ALOX12B: variants seen among roughly 807,000 people sequenced by gnomAD.
ALOX12B encodes the protein arachidonate 12-lipoxygenase, 12R type.
A neutral mutation model predicts 78.9 loss-of-function variants in ALOX12B; 47 were observed. That is an observed-to-expected ratio of 0.60 (90% confidence interval 0.47 to 0.76). The LOEUF (loss-of-function observed/expected upper bound fraction) is 0.76, where lower values mean the gene tolerates loss of function less well. Among genes scored for constraint, ALOX12B ranks in the 30% least tolerant of loss-of-function variants. The pLI is 0.00. For synonymous variants in ALOX12B, 370 were observed against 374.5 expected (o/e 0.99, Z 0.14); for missense variants, 805 against 922.6 (o/e 0.87, Z 1.65).
At chr17:8,073,578 G>T in intron 13 of ALOX12B, 79 bp downstream of exon 13, 1 of 1,325,192 alleles carries the variant, frequency 7.5e-7, no homozygotes, top group Non-Finnish European at 1.1e-6. Flanking sequence ...GGCTGAGGCT[G>T]GGTTTGAGGT....
At position 8,079,843 on chromosome 17, in the gene ALOX12B, C is replaced by T. The variant is rs1211661462; in HGVS notation, c.853G>A (p.Asp285Asn). ...GLIRRCTRIPDKFPVTDDMVA... is the reference protein window; with the variant it reads ...GLIRRCTRIPNKFPVTDDMVA... Reference sequence around the variant, plus strand: ...ATGTCGTCTGTGACGGGGAACTTGTCTGGGATCCGCGTGCAGCGGCGGATC... The same window carrying T: ...ATGTCGTCTGTGACGGGGAACTTGTTTGGGATCCGCGTGCAGCGGCGGATC... The change falls in exon 7 of 15, where the codon GAC becomes AAC. Residue 285 changes from aspartate to asparagine, a missense_variant. Asp to Asn is a conservative substitution (Grantham distance 23). Transcript: ENST00000647874. This position sits in a 1 kb window ranked among gnomAD's most constrained non-coding sequence, Gnocchi z 6.4. 1 of 1,613,522 alleles carries T rather than the reference C, an allele frequency of 6.2e-7. No homozygotes were observed. The highest frequency in any genetic ancestry group is 8.5e-7 in the Non-Finnish European group (1 of 1,179,976).
At chr17:8,075,791 C>A in intron 11 of ALOX12B, 75 bp from the exon 12 acceptor site, 4 of 1,613,122 alleles carry the variant, frequency 2.5e-6, no homozygotes, top group Non-Finnish European at 3.4e-6. Context: ...CCACCTCCCC[C>A]AGGGTGCCCT....
intron 10 of ALOX12B, 69 bp downstream of exon 10, chr17:8,076,588 C>T: frequency 6.7e-7 from 1 of 1,495,444 alleles, no homozygotes; most frequent in Non-Finnish European, 9.1e-7. Context: ...GGGAAGTCCT[C>T]CTCTTCATCT....
At chr17:8,074,848 AC>A (rs1977048760) in intron 12 of ALOX12B, among the ~76,000 whole-genome samples, 1 of 152,112 alleles carries the variant, frequency 6.6e-6, no homozygotes, top group Admixed American at 6.5e-5. Context: ...TCGACTTTCC[AC>A]ATACTGCTCC....
intron 10 of ALOX12B, 152 bp downstream of exon 10, chr17:8,076,505 C>T (rs528684772): frequency 3.1e-6 from 4 of 1,285,260 alleles, no homozygotes; most frequent in Admixed American, 4.0e-5. Context: ...GCCTCTGCTC[C>T]TTTCTAGACA....
At chr17:8,076,960 T>G (rs769199659) in intron 9 of ALOX12B, 30 bp downstream of exon 9, 49 of 1,604,772 alleles carry the variant, frequency 3.1e-5, no homozygotes, top group Non-Finnish European at 4.0e-5. Flanking sequence ...CCATGATGCC[T>G]GGGGGAGGCC....
At position 8,080,925 on chromosome 17, in the gene ALOX12B, G is replaced by A. The variant is rs1977203555; in HGVS notation, c.486C>T (p.Tyr162=). The change falls in exon 4 of 15, where the codon TAC becomes TAT. Residue 162 remains tyrosine (Y), a synonymous_variant. Transcript: ENST00000647874. This position sits in a 1 kb window ranked among gnomAD's most constrained non-coding sequence, Gnocchi z 4.8. ...GLPSYVHIPS[Y]RPPVRRHRNP... is the part of the protein sequence containing the mutation. Reference sequence around the variant, plus strand: ...TGCGATGCCTCCGCACCGGAGGGCGGTAACTGGGAATGTGCACATAGCTGG... The same window carrying A: ...TGCGATGCCTCCGCACCGGAGGGCGATAACTGGGAATGTGCACATAGCTGG... The A allele has an allele frequency of 6.2e-7, 1 of 1,613,838 alleles. No individual in the cohort carries two copies. The highest frequency in any genetic ancestry group is 1.7e-5 in the Admixed American group (1 of 60,006).
rs768375728 is a variant in ALOX12B, at chr17:8,073,735, G to C, written c.1677C>G (p.Thr559=). Residue 559 remains threonine, a synonymous_variant, in exon 13 of 15, where the codon ACC becomes ACG. Transcript: ENST00000647874. ...TGACATATCGGATCAGCTCAGGCAC[G>C]GTTCGCAAGCACCTAGGGAAGCCTG... ...ESSGFPRCLR[T]VPELIRYVTI... 6.2e-7 allele frequency: 1 copy of C among 1,614,088 alleles called. No homozygotes were observed. The highest frequency in any genetic ancestry group is 8.5e-7 in the Non-Finnish European group (1 of 1,179,990).
intron 2 of ALOX12B, among the ~76,000 whole-genome samples, chr17:8,084,405 C>G (rs1326287264): frequency 6.6e-6 from 1 of 152,180 alleles, no homozygotes. Context: ...AGACCTAGCT[C>G]GTTTTCATCC....
In ALOX12B at chr17:8,080,412, C is replaced by T. The variant is rs946781923; in HGVS notation, c.651-74G>A. The T allele has an allele frequency of 1.0e-5, 16 of 1,533,650 alleles. No homozygotes were observed. The African/African-American group carries it at 1.1e-4, about 10-fold the overall frequency. On this transcript the variant is annotated intron_variant, in intron 5 of 14. Transcript: ENST00000647874. This position sits in a 1 kb window ranked among gnomAD's most constrained non-coding sequence, Gnocchi z 4.8. ...CCGGCTGGGGCAGGTGGCGGGGCCGCCCCATCCACTTAGGTCTCTGGGTCT... is the reference window on the plus strand; with the variant it reads ...CCGGCTGGGGCAGGTGGCGGGGCCGTCCCATCCACTTAGGTCTCTGGGTCT...
intron 12 of ALOX12B, 63 bp from the exon 13 acceptor site, chr17:8,073,820 A>G: frequency 7.5e-7 from 1 of 1,339,826 alleles, no homozygotes; most frequent in South Asian, 1.2e-5. Context: ...TGCCCGGCAG[A>G]GGGCGCCACC....
In ALOX12B at chr17:8,073,365, G is replaced by A. The variant is rs370096167; in HGVS notation, c.1756-47C>T. ...GGGTCTGGGTGGAAGAGTACCTCAG[G>A]AGTTTCCTTCCACCAGGTGCTGACC... On this transcript the variant is annotated intron_variant, in intron 13 of 14. Transcript: ENST00000647874. 5.8e-5 allele frequency: 93 copies of A among 1,611,410 alleles called. No individual in the cohort carries two copies. In the African/African-American group the frequency reaches 1.1e-3, roughly 20 times the overall value.
rs540195239 is a variant in ALOX12B, at chr17:8,084,947, C to T, written c.352+1069G>A. The stretch of plus-strand genomic sequence containing the variant: ...GTGGGTGCAAGGAGCTCAGCCACTC[C>T]GGTCCTATGTCTCTCCCATGGGAGT... On this transcript the variant is annotated intron_variant, in intron 2 of 14. Coordinates refer to ENST00000647874, the MANE Select transcript of ALOX12B (RefSeq NM_001139.3). 1.2e-4 allele frequency among the ~76,000 whole-genome samples: 19 copies of T among 152,332 alleles called. No individual in the cohort carries two copies. In the South Asian group the frequency reaches 3.1e-3, roughly 25 times the overall value.
At chr17:8,081,283 G>T (rs936945870) in intron 2 of ALOX12B, 96 bp from the exon 3 acceptor site, 17 of 1,295,712 alleles carry the variant, frequency 1.3e-5, no homozygotes, top group Non-Finnish European at 1.8e-5. Flanking sequence ...GGTCGTCTCT[G>T]GGGGGGCCCA....
chr17:8,083,267 A>G (rs1188849812), intron 2 of ALOX12B, among the ~76,000 whole-genome samples: 1 of 152,070 alleles, frequency 6.6e-6, no homozygotes, highest in Non-Finnish European at 1.5e-5. Flanking sequence ...GCTTCTCAAT[A>G]AAATCCGAAT....
chr17:8,077,809 T>G (rs368865277), intron 8 of ALOX12B, among the ~76,000 whole-genome samples: 1 of 152,188 alleles, frequency 6.6e-6, no homozygotes, highest in East Asian at 1.9e-4. Flanking sequence ...TCCAGGTGGA[T>G]GGATGGATGA....
chr17:8,079,269 T>G lies in ALOX12B; in HGVS notation c.1071+127A>C. 1 of 1,382,246 alleles carries G rather than the reference T, an allele frequency of 7.2e-7. No individual in the cohort carries two copies. The highest frequency in any genetic ancestry group is 9.7e-7 in the Non-Finnish European group (1 of 1,035,906). The allele number at this position is 1,382,246 out of a possible 1,614,324, so 85.6% of individuals were successfully genotyped here. On this transcript the variant is annotated intron_variant, in intron 8 of 14. Coordinates refer to ENST00000647874, the MANE Select transcript of ALOX12B (RefSeq NM_001139.3). The surrounding 1 kb of genome is among the most constrained non-coding windows in gnomAD (Gnocchi z 6.4). The stretch of plus-strand genomic sequence containing the variant: ...CATCCCGGGGAGGTCCTGGAACCAA[T>G]CTCTCAAGGATAACGAGAGACGGCT...
At position 8,080,017 on chromosome 17, in the gene ALOX12B, A is replaced by T; in HGVS notation, c.755-76T>A. On this transcript the variant is annotated intron_variant, in intron 6 of 14. Coordinates refer to ENST00000647874, the MANE Select transcript of ALOX12B (RefSeq NM_001139.3). The surrounding 1 kb of genome is among the most constrained non-coding windows in gnomAD (Gnocchi z 4.8). ...ACGGAGAGGCATGGGACAGAAGAAG[A>T]CTATGGGCACCGAGAGGAGTCGGGG... 1 of 1,564,278 alleles carries T rather than the reference A, an allele frequency of 6.4e-7. No individual in the cohort carries two copies. The highest frequency in any genetic ancestry group is 8.7e-7 in the Non-Finnish European group (1 of 1,150,900).
chr17:8,074,367 C>T (rs1187652285), intron 12 of ALOX12B, among the ~76,000 whole-genome samples: 2 of 152,126 alleles, frequency 1.3e-5, no homozygotes, highest in Non-Finnish European at 2.9e-5. Context: ...CCTCCCTAAC[C>T]GCTCCTCCTT....
Sources: allele counts gnomAD v4.1 joint callset (sites outside exome capture counted in the v4.1 genomes callset), GRCh38; gene constraint gnomAD v4.1.1; non-coding constraint Gnocchi (gnomAD v3.1); transcripts MANE v1.5; gene names NCBI Gene and HGNC (gene_info 2026-07-23, HGNC 2026-07-21).